Variants in DLG2 observed in about 807,000 individuals in gnomAD.
DLG2 encodes disks large homolog 2.
Under a neutral mutation model 132.5 loss-of-function variants are expected in DLG2, and 45 were observed. The ratio of observed to expected loss-of-function variants is 0.34; its 90% CI spans 0.27 to 0.44. DLG2 has a LOEUF of 0.44. DLG2 is among the 20% of genes least tolerant of loss of function. DLG2 has a pLI of 1.00. For missense variants in DLG2, 1,045 were observed against 1,196.9 expected (o/e 0.87, Z 1.87); for synonymous variants, 424 against 419.6 (o/e 1.01, Z -0.13).
At position 84,006,227 on chromosome 11, in the gene DLG2, A is replaced by T. The variant is rs145557934; in HGVS notation, c.920-25585T>A. ...ATAAAGTGAAATAAGCAGGTAAAGA[A>T]TGACAATTATTGCATGTTTTCACTT... On this transcript the variant is annotated intron_variant, in intron 11 of 27. Coordinates refer to ENST00000376104, the MANE Select transcript of DLG2 (RefSeq NM_001142699.3). Among the ~76,000 whole-genome samples the T allele has an allele frequency of 4.3e-3, 655 of 151,966 alleles. 6 individuals are homozygous for T. The highest frequency in any genetic ancestry group is 0.015 in the African/African-American group (623 of 41,550).
At chr11:83,627,301 C>T (rs1165540977) in intron 19 of DLG2, among the ~76,000 whole-genome samples, 5 of 151,902 alleles carry the variant, frequency 3.3e-5, no homozygotes, top group Admixed American at 3.3e-4. Flanking sequence ...TGGTGTGCTG[C>T]ACCCAGTTAA....
chr11:85,399,721 T>A (rs1293036894), intron 3 of DLG2, among the ~76,000 whole-genome samples: 5 of 152,304 alleles, frequency 3.3e-5, no homozygotes, highest in Non-Finnish European at 5.9e-5. Context: ...GAAAACTGGC[T>A]AACCATATGT....
intron 6 of DLG2, among the ~76,000 whole-genome samples, chr11:84,629,788 G>A (rs1043531776): frequency 6.6e-6 from 1 of 152,160 alleles, no homozygotes; most frequent in African/African-American, 2.4e-5. Context: ...ACGGAGAGAG[G>A]GAGAGAAAGT....
chr11:85,538,289 T>TGG (rs1394679401), intron 3 of DLG2, among the ~76,000 whole-genome samples: 5 of 151,826 alleles, frequency 3.3e-5, no homozygotes, highest in African/African-American at 1.2e-4. Flanking sequence ...ATGTAAGAGC[T>TGG]GGCCATAAAG....
At chr11:84,479,661 G>A (rs970521262) in intron 7 of DLG2, among the ~76,000 whole-genome samples, 1 of 152,002 alleles carries the variant, frequency 6.6e-6, no homozygotes, top group African/African-American at 2.4e-5. Context: ...TAGAACACAT[G>A]CAAAAGGAAC....
At chr11:84,194,431 T>G (rs2096474895) in intron 8 of DLG2, among the ~76,000 whole-genome samples, 1 of 152,072 alleles carries the variant, frequency 6.6e-6, no homozygotes, top group African/African-American at 2.4e-5. Flanking sequence ...ATCATAAAGG[T>G]GGCACAGACC....
chr11:84,693,127 T>G (rs1363047153), intron 6 of DLG2, among the ~76,000 whole-genome samples: 1 of 151,762 alleles, frequency 6.6e-6, no homozygotes, highest in Non-Finnish European at 1.5e-5. Flanking sequence ...GTTAAGAATG[T>G]CTCGTAAGTA....
Position 83,459,885 on chromosome 11 carries a change from T to C in DLG2, c.2861A>G (p.Gln954Arg). The change falls in exon 28 of 28, where the codon CAA becomes CGA. Residue 954 changes from glutamine to arginine, a missense_variant. By Grantham distance (43) the Gln-to-Arg change is conservative. Transcript: ENST00000376104. The stretch of plus-strand genomic sequence containing the variant: ...TTGCTCTTCAATAACAAGCTTGCAT[T>C]GGTTATATATATCTTCTAAAGTATC... ...QGDTLEDIYN[Q>R]CKLVIEEQSG... 6.2e-7 allele frequency: 1 copy of C among 1,610,114 alleles called. No homozygotes were observed. The highest frequency in any genetic ancestry group is 2.2e-5 in the East Asian group (1 of 44,848).
At chr11:85,161,735 C>T (rs2078044731) in intron 4 of DLG2, among the ~76,000 whole-genome samples, 2 of 152,336 alleles carry the variant, frequency 1.3e-5, no homozygotes, top group Middle Eastern at 3.4e-3. Context: ...CATCCTGAAA[C>T]AGCTGGATTG....
At chr11:83,537,834 A>G (rs200167439) in intron 20 of DLG2, among the ~76,000 whole-genome samples, 10 of 110,782 alleles carry the variant, frequency 9.0e-5, no homozygotes, top group Admixed American at 4.5e-4. Context: ...AAAAAAAAAA[A>G]AGAGAGAGAG....
chr11:85,106,223 T>C (rs2071727876), intron 6 of DLG2, among the ~76,000 whole-genome samples: 3 of 151,964 alleles, frequency 2.0e-5, no homozygotes, highest in African/African-American at 2.4e-5. Context: ...TAGAGAGACA[T>C]AGTAGGAAGA....
intron 6 of DLG2, among the ~76,000 whole-genome samples, chr11:84,572,556 C>T (rs1487674961): frequency 6.6e-6 from 1 of 152,112 alleles, no homozygotes; most frequent in East Asian, 1.9e-4. Flanking sequence ...GTAAGCAGAA[C>T]CCACCCAGTT....
At chr11:84,043,360 G>A (rs2096148672) in intron 11 of DLG2, among the ~76,000 whole-genome samples, 1 of 151,702 alleles carries the variant, frequency 6.6e-6, no homozygotes, top group Non-Finnish European at 1.5e-5. Flanking sequence ...TTAGGAAAGA[G>A]TGATATGTTT....
intron 8 of DLG2, among the ~76,000 whole-genome samples, chr11:84,223,376 A>G (rs894743034): frequency 2.0e-5 from 3 of 152,076 alleles, no homozygotes; most frequent in South Asian, 2.1e-4. Flanking sequence ...TGCTGGTAAG[A>G]TATTTCTCTG....
intron 6 of DLG2, among the ~76,000 whole-genome samples, chr11:84,986,200 C>A (rs955712912): frequency 1.3e-5 from 2 of 151,894 alleles, no homozygotes; most frequent in Non-Finnish European, 2.9e-5. Context: ...ACTAGAAAAC[C>A]TAGAGATGGA....
chr11:84,928,982 G>GTGTATA (rs1400906684), intron 6 of DLG2, among the ~76,000 whole-genome samples: 137 of 49,100 alleles, frequency 2.8e-3, no homozygotes, highest in Non-Finnish European at 4.0e-3. Context: ...GTGTGTGTGT[G>GTGTATA]TATATATATA....
In DLG2 at chr11:83,495,106, A is replaced by C. The variant is rs144455078; in HGVS notation, c.2194-10878T>G. Among the ~76,000 whole-genome samples the C allele has an allele frequency of 6.8e-3, 1,041 of 152,230 alleles. 18 individuals carry two copies. Among genetic ancestry groups the C allele is most frequent in the African/African-American group, 0.024 (1,008 of 41,532 alleles). On this transcript the variant is annotated intron_variant, in intron 21 of 27. Transcript: ENST00000376104. ...CTTTGGGTTCAAGCTAAAAAATCTC[A>C]GGGAAGATCTCTGATGTGCTCAGAA...
intron 6 of DLG2, among the ~76,000 whole-genome samples, chr11:84,554,835 G>A (rs1411749528): frequency 3.3e-5 from 5 of 152,192 alleles, no homozygotes; most frequent in African/African-American, 9.7e-5. Flanking sequence ...ATTAGAGAAT[G>A]TCAAGGATGC....
chr11:85,387,673 C>T (rs2086457218), intron 3 of DLG2, among the ~76,000 whole-genome samples: 1 of 152,138 alleles, frequency 6.6e-6, no homozygotes, highest in Non-Finnish European at 1.5e-5. Flanking sequence ...TTTCTGACCA[C>T]CATGTGCAAA....
Sources: gnomAD v4.1 joint callset for allele counts (sites outside exome capture counted in the v4.1 genomes callset) on GRCh38, gnomAD v4.1.1 for gene constraint, MANE v1.5 for transcripts, NCBI Gene and HGNC (gene_info 2026-07-23, HGNC 2026-07-21) for gene names.